The following LRRC63 variants were observed in gnomAD, a reference collection of about 807,000 sequenced individuals.
LRRC63 encodes the protein leucine rich repeat containing 63.
LRRC63 carries 40 observed loss-of-function variants against 49.5 expected under a neutral mutation model. The ratio of observed to expected loss-of-function variants is 0.81; its 90% CI spans 0.63 to 1.05. The LOEUF (loss-of-function observed/expected upper bound fraction) is 1.05. Among genes scored for constraint, LRRC63 ranks in the 50% least tolerant of loss-of-function variants. The pLI is 0.00. For missense variants in LRRC63, 636 were observed against 663.1 expected, an observed-to-expected ratio of 0.96 and a Z score of 0.45; for synonymous variants, 191 against 221.1, an observed-to-expected ratio of 0.86 and a Z score of 1.21.
intron 7 of LRRC63, among the ~76,000 whole-genome samples, chr13:46,258,131 T>TC (rs1350859629): frequency 2.0e-5 from 3 of 148,380 alleles, no homozygotes; most frequent in Non-Finnish European, 1.5e-5. Flanking sequence ...ACTCTTTTTT[T>TC]TTTTTTTTTT....
chr13:46,222,744 A>G (rs1048870408), intron 2 of LRRC63, among the ~76,000 whole-genome samples: 8 of 151,700 alleles, frequency 5.3e-5, no homozygotes, highest in Non-Finnish European at 1.2e-4. Flanking sequence ...TCATGCTGCT[A>G]TAAAGACACA....
At chr13:46,212,868 TCATAAAG>T in intron 1 of LRRC63, 127 bp from the exon 2 acceptor site, 2 of 517,944 alleles carry the variant, frequency 3.9e-6, no homozygotes, top group Non-Finnish European at 6.8e-6. Flanking sequence ...TCTTTTTTTT[TCATAAAG>T]GAATTCTGCC....
At chr13:46,276,903 A>G (rs2047851421) in exon 10 of LRRC63, 3 of 154,516 alleles carry the variant, frequency 1.9e-5, no homozygotes, top group Admixed American at 1.5e-4. Flanking sequence ...TATAAACTTT[A>G]CTGGCTTTTA....
At chr13:46,276,829 TA>T in exon 10 of LRRC63, 1 of 105,004 alleles carries the variant, frequency 9.5e-6, no homozygotes, top group Non-Finnish European at 1.8e-5. Flanking sequence ...TATGTGTGTG[TA>T]TATATATATA....
At chr13:46,213,516 A>G (rs545435380) in intron 2 of LRRC63, among the ~76,000 whole-genome samples, 1 of 152,076 alleles carries the variant, frequency 6.6e-6, no homozygotes, top group Admixed American at 6.5e-5. Flanking sequence ...GTTTAGCTCT[A>G]TGTTTCTTGA....
chr13:46,242,738 G>A (rs2047098099), intron 5 of LRRC63, among the ~76,000 whole-genome samples: 1 of 149,436 alleles, frequency 6.7e-6, no homozygotes, highest in Non-Finnish European at 1.5e-5. Flanking sequence ...CAGAAACCCT[G>A]CAGGCTAGGA....
At chr13:46,268,762 G>C (rs1454050822) in intron 9 of LRRC63, among the ~76,000 whole-genome samples, 1 of 151,690 alleles carries the variant, frequency 6.6e-6, no homozygotes, top group Non-Finnish European at 1.5e-5. Flanking sequence ...CAAGTTCTGA[G>C]AGGCAAGAAG....
chr13:46,218,375 T>C (rs1276178802), intron 2 of LRRC63, among the ~76,000 whole-genome samples: 1 of 152,180 alleles, frequency 6.6e-6, no homozygotes, highest in Non-Finnish European at 1.5e-5. Flanking sequence ...TCTTTTGACC[T>C]TTGTTGGTTT....
At chr13:46,265,054 T>C (rs1010996521) in intron 8 of LRRC63, among the ~76,000 whole-genome samples, 23 of 151,796 alleles carry the variant, frequency 1.5e-4, no homozygotes, top group Non-Finnish European at 2.9e-4. Context: ...CAGCTACTCG[T>C]GAGACTGAGT....
At position 46,275,709 on chromosome 13, in the gene LRRC63, T is replaced by C. The variant is rs148354550; in HGVS notation, c.1551-881T>C. ...TCATCATATATTCATTAGTGCCTTG[T>C]CAGATGAATACTTTGCAAATATTTA... On this transcript the variant is annotated intron_variant, in intron 9 of 9. Transcript: ENST00000595396. Among the ~76,000 whole-genome samples, 10 of 152,252 alleles carry C rather than the reference T, an allele frequency of 6.6e-5. No homozygotes were observed. The East Asian group carries it at 1.9e-3, about 29-fold the overall frequency.
intron 8 of LRRC63, 30 bp from the exon 9 acceptor site, chr13:46,266,703 C>CT (rs1442732458): frequency 6.7e-7 from 1 of 1,499,848 alleles, no homozygotes; most frequent in Non-Finnish European, 8.9e-7. Context: ...TGTATAATAC[C>CT]TTTTAAAGTG....
At chr13:46,266,884 A>C in exon 9 of LRRC63, 1 of 1,548,966 alleles carries the variant, frequency 6.5e-7, no homozygotes, top group South Asian at 1.2e-5. Context: ...ACAACAACTT[A>C]CTCAAATTAT....
chr13:46,228,062 A>G (rs1336721889), exon 3 of LRRC63: 17 of 1,550,976 alleles, frequency 1.1e-5, no homozygotes, highest in African/African-American at 2.7e-5. Context: ...CTATGAAACC[A>G]GAAGGACAGT....
At chr13:46,249,242 C>G (rs2047307632) in intron 6 of LRRC63, among the ~76,000 whole-genome samples, 1 of 151,464 alleles carries the variant, frequency 6.6e-6, no homozygotes, top group South Asian at 2.1e-4. Context: ...AAAGGGCAAA[C>G]TAAACCTAAA....
At position 46,255,676 on chromosome 13, in the gene LRRC63, A is replaced by G. The variant is rs866153484; in HGVS notation, c.1226+5185A>G. On this transcript the variant is annotated intron_variant, in intron 7 of 9. Coordinates refer to ENST00000595396, the Ensembl canonical transcript of LRRC63. The stretch of plus-strand genomic sequence containing the variant: ...TATATATATATATATAGTTATTAGT[A>G]ACCTCAATGCTTTCATCTTTCCTCC... Among the ~76,000 whole-genome samples the G allele has an allele frequency of 4.5e-4, 67 of 149,566 alleles. 2 individuals carry two copies. Among genetic ancestry groups the G allele is most frequent in the African/African-American group, 1.6e-3 (65 of 40,384 alleles).
intron 4 of LRRC63, among the ~76,000 whole-genome samples, chr13:46,232,572 A>G (rs568699749): frequency 2.0e-5 from 3 of 152,322 alleles, no homozygotes; most frequent in South Asian, 2.1e-4. Context: ...GCCAAGCCCT[A>G]ACAAAGCTCA....
chr13:46,245,522 T>C (rs1041352121), intron 5 of LRRC63, among the ~76,000 whole-genome samples: 2 of 152,046 alleles, frequency 1.3e-5, no homozygotes, highest in Admixed American at 1.3e-4. Flanking sequence ...ACAACAGAAA[T>C]AAAATAGTCA....
At chr13:46,218,030 C>G (rs1485318927) in intron 2 of LRRC63, among the ~76,000 whole-genome samples, 1 of 152,118 alleles carries the variant, frequency 6.6e-6, no homozygotes, top group Non-Finnish European at 1.5e-5. Context: ...ATTATGTGGT[C>G]AATTTTCGAA....
At chr13:46,233,420 C>A (rs1382532649) in intron 4 of LRRC63, among the ~76,000 whole-genome samples, 1 of 152,130 alleles carries the variant, frequency 6.6e-6, no homozygotes, top group African/African-American at 2.4e-5. Flanking sequence ...AAATTAAAAA[C>A]CTTTTTTTGT....
Sources: allele counts gnomAD v4.1 joint callset (sites outside exome capture counted in the v4.1 genomes callset), GRCh38; gene constraint gnomAD v4.1.1; transcripts MANE v1.5; gene names NCBI Gene and HGNC (gene_info 2026-07-23, HGNC 2026-07-21).